SDK2: variants seen among roughly 807,000 people sequenced by gnomAD.
SDK2 encodes protein sidekick-2.
Under a neutral mutation model 253.9 loss-of-function variants are expected in SDK2, and 105 were observed. The observed-to-expected ratio is 0.41, with a 90% CI of 0.35 to 0.49. The LOEUF (loss-of-function observed/expected upper bound fraction) is 0.49. SDK2 is among the 20% of genes least tolerant of loss of function. The pLI, the probability that SDK2 is intolerant of heterozygous loss-of-function variation, is 0.06. For missense variants in SDK2, 2,608 were observed against 3,003.0 expected (o/e 0.87, Z 3.07); for synonymous variants, 1,249 against 1,234.9 (o/e 1.01, Z -0.24).
rs577199685 is a variant in SDK2, at chr17:73,569,580, C to T, written c.65-61983G>A. Among the ~76,000 whole-genome samples the T allele has an allele frequency of 4.0e-4, 58 of 145,324 alleles. 1 individual carries two copies. In the South Asian group the frequency reaches 9.2e-3, roughly 23 times the overall value. On this transcript the variant is annotated intron_variant, in intron 1 of 44. Coordinates refer to ENST00000392650, the MANE Select transcript of SDK2 (RefSeq NM_001144952.2). ...GAGGGATGGGGGTGGGGATTGCTTT[C>T]AAAAGCAATCCCCACCCCCAACGAA...
intron 3 of SDK2, among the ~76,000 whole-genome samples, chr17:73,469,316 C>T (rs2063627446): frequency 6.6e-6 from 1 of 152,210 alleles, no homozygotes. Flanking sequence ...GCCAGCATCA[C>T]CCAGGGTGGT....
chr17:73,354,393 G>A (rs1413658534), intron 40 of SDK2, among the ~76,000 whole-genome samples: 1 of 152,178 alleles, frequency 6.6e-6, no homozygotes, highest in South Asian at 2.1e-4. Flanking sequence ...TGCTGCCTGG[G>A]TCAGGGACGA....
chr17:73,396,077 G>A (rs1285417699), intron 24 of SDK2, among the ~76,000 whole-genome samples: 1 of 152,058 alleles, frequency 6.6e-6, no homozygotes, highest in East Asian at 1.9e-4. Flanking sequence ...TTGTAGAGAC[G>A]AGGTTTCGCC....
Position 73,350,294 on chromosome 17 carries a change from T to A in SDK2, c.5981A>T (p.Asn1994Ile). ...GTTCTTGACGGAGAGCCGCCTGTTG[T>A]TGAGTTCCAGGGCAGGGAAGCTGCT... The part of the protein sequence containing the change: ...DESSFPALEL[N>I]NRRLSVKNSF... Residue 1994 changes from asparagine (N) to isoleucine (I), a missense_variant, in exon 43 of 45, where the codon AAC becomes ATC. Asn to Ile is a moderately radical substitution (Grantham distance 149). Transcript: ENST00000392650. 1 of 1,600,812 alleles carries A rather than the reference T, an allele frequency of 6.2e-7. No individual in the cohort carries two copies. The highest frequency in any genetic ancestry group is 8.5e-7 in the Non-Finnish European group (1 of 1,174,354).
At chr17:73,626,207 C>T (rs1599735863) in intron 1 of SDK2, among the ~76,000 whole-genome samples, 1 of 152,238 alleles carries the variant, frequency 6.6e-6, no homozygotes, top group African/African-American at 2.4e-5. Flanking sequence ...AGAGATGTGC[C>T]AGAATTGCGC....
Position 73,416,050 on chromosome 17 carries a change from C to G in SDK2, c.2187-58G>C, listed in dbSNP as rs145070462. 6,985 of 1,497,768 alleles carry G rather than the reference C, an allele frequency of 4.7e-3. 32 individuals carry two copies. Among genetic ancestry groups the G allele is most frequent in the South Asian group, 0.011 (906 of 81,836 alleles). The allele number at this position is 1,497,768 out of a possible 1,614,324, so 92.8% of individuals were successfully genotyped here. A position where few individuals can be genotyped will look rare whatever the true frequency, so the allele number is the denominator to read the frequency against. On this transcript the variant is annotated intron_variant, in intron 16 of 44. Transcript: ENST00000392650. ...GAGTCAGCTTCCTTGGCCTCGTACCCAGGAAATTGTCCAGAGCAGCGCTGT... is the reference window on the plus strand; with the variant it reads ...GAGTCAGCTTCCTTGGCCTCGTACCGAGGAAATTGTCCAGAGCAGCGCTGT...
intron 1 of SDK2, among the ~76,000 whole-genome samples, chr17:73,598,698 C>T (rs562861837): frequency 2.0e-5 from 3 of 152,266 alleles, no homozygotes; most frequent in South Asian, 4.2e-4. Context: ...ATAGTCCCAC[C>T]GGGAGCAGCC....
At chr17:73,619,361 A>G (rs889841697) in intron 1 of SDK2, among the ~76,000 whole-genome samples, 18 of 152,124 alleles carry the variant, frequency 1.2e-4, no homozygotes, top group African/African-American at 3.9e-4. Flanking sequence ...TCAAAACAGC[A>G]GCAGAAATCA....
chr17:73,466,122 C>T (rs895787726), intron 3 of SDK2, among the ~76,000 whole-genome samples: 1 of 152,286 alleles, frequency 6.6e-6, no homozygotes, highest in African/African-American at 2.4e-5. Context: ...ATGAGCACCT[C>T]CTTAAATTGG....
chr17:73,482,444 C>G (rs1160015723), intron 2 of SDK2, among the ~76,000 whole-genome samples: 1 of 152,218 alleles, frequency 6.6e-6, no homozygotes, highest in Non-Finnish European at 1.5e-5. Context: ...GGAGATGTCT[C>G]AGGGCCTGCT....
chr17:73,408,357 A>G (rs1319187225), intron 18 of SDK2, among the ~76,000 whole-genome samples: 2 of 149,886 alleles, frequency 1.3e-5, no homozygotes, highest in Non-Finnish European at 3.0e-5. Context: ...AGCTGGGACT[A>G]CAGGTGCCTG....
Position 73,383,793 on chromosome 17 carries a change from A to G in SDK2, c.4705+83T>C. On this transcript the variant is annotated intron_variant, in intron 33 of 44. Coordinates refer to ENST00000392650, the MANE Select transcript of SDK2 (RefSeq NM_001144952.2). This position sits in a 1 kb window ranked among gnomAD's most constrained non-coding sequence, Gnocchi z 4.3. ...CAAGGTTTCAGGTTAGAGTGGTTCC[A>G]GGAAGCTGAGAGCTCCAGAGCGGGA... 1 of 1,564,386 alleles carries G rather than the reference A, an allele frequency of 6.4e-7. No individual in the cohort carries two copies.
At position 73,534,779 on chromosome 17, in the gene SDK2, C is replaced by T. The variant is rs79400159; in HGVS notation, c.65-27182G>A. On this transcript the variant is annotated intron_variant, in intron 1 of 44. Transcript: ENST00000392650. This position sits in a 1 kb window ranked among gnomAD's most constrained non-coding sequence, Gnocchi z 4.9. ...TTTCTTCCTCTCATCTAGGGGAAAG[C>T]GGCTTCTATTACCTAAACTCCCCTT... Among the ~76,000 whole-genome samples, 4 of 152,148 alleles carry T rather than the reference C, an allele frequency of 2.6e-5. No homozygotes were observed. The highest frequency in any genetic ancestry group is 4.8e-5 in the African/African-American group (2 of 41,478).
intron 1 of SDK2, among the ~76,000 whole-genome samples, chr17:73,613,910 C>G (rs1268871089): frequency 2.0e-5 from 3 of 152,238 alleles, no homozygotes; most frequent in Non-Finnish European, 2.9e-5. Flanking sequence ...TTTGAGCAGT[C>G]AAAGGACCAG....
chr17:73,450,112 G>A (rs1224283804), intron 4 of SDK2, among the ~76,000 whole-genome samples: 5 of 152,182 alleles, frequency 3.3e-5, no homozygotes, highest in African/African-American at 1.2e-4. Context: ...TTGTCCTTAG[G>A]TATAGCATGT....
chr17:73,483,693 ATATATATATATATATTTT>A (rs1183754191), intron 2 of SDK2, among the ~76,000 whole-genome samples: 36 of 65,622 alleles, frequency 5.5e-4, no homozygotes, highest in African/African-American at 2.0e-3. Flanking sequence ...TTATATATAT[ATATATATATATATATTTT>A]TTTTTTTTTT....
At chr17:73,419,776 T>C (rs2063214126) in intron 15 of SDK2, among the ~76,000 whole-genome samples, 1 of 148,136 alleles carries the variant, frequency 6.8e-6, no homozygotes, top group Non-Finnish European at 1.5e-5. Context: ...CCCAAATACC[T>C]GGGAGACTGA....
chr17:73,374,658 C>G (rs8066879), intron 36 of SDK2, among the ~76,000 whole-genome samples: 9,105 of 136,274 alleles, frequency 0.067, 651 homozygotes, highest in East Asian at 0.18. Flanking sequence ...AGTAGAGATG[C>G]GGTTTCGTCA....
At chr17:73,502,331 C>T (rs1286926917) in intron 2 of SDK2, among the ~76,000 whole-genome samples, 2 of 152,174 alleles carry the variant, frequency 1.3e-5, no homozygotes, top group African/African-American at 4.8e-5. Context: ...ACAGGGAAGT[C>T]CTCAGTATCC....
Sources: allele counts gnomAD v4.1 joint callset (sites outside exome capture counted in the v4.1 genomes callset), GRCh38; gene constraint gnomAD v4.1.1; non-coding constraint Gnocchi (gnomAD v3.1); transcripts MANE v1.5; gene names NCBI Gene and HGNC (gene_info 2026-07-23, HGNC 2026-07-21).